Variants in TF observed in about 807,000 individuals in gnomAD.
The protein encoded by TF is serotransferrin.
Under a neutral mutation model 82.4 loss-of-function variants are expected in TF, and 55 were observed. The ratio of observed to expected loss-of-function variants is 0.67; its 90% CI spans 0.54 to 0.84. The LOEUF is 0.84. TF is among the 40% of genes least tolerant of loss of function. The pLI is 0.00. For missense variants in TF, 737 were observed against 868.4 expected, an observed-to-expected ratio of 0.85 and a Z score of 1.90; for synonymous variants, 332 against 332.6, an observed-to-expected ratio of 1.00 and a Z score of 0.02.
Position 133,746,516 on chromosome 3 carries a change from C to A in TF, c.43+33C>A, listed in dbSNP as rs951914209. 7.0e-6 allele frequency: 11 copies of A among 1,576,150 alleles called. No individual in the cohort carries two copies. In the African/African-American group the frequency reaches 9.4e-5, roughly 14 times the overall value. On this transcript the variant is annotated intron_variant, in intron 1 of 16. Transcript: ENST00000402696. Reference sequence around the variant, plus strand: ...CGGGCACGGGGTAGCACCGCAGAGTCGCTGGCCCGCGCGTTCCCTGCAACC... The same window carrying A: ...CGGGCACGGGGTAGCACCGCAGAGTAGCTGGCCCGCGCGTTCCCTGCAACC...
At chr3:133,694,843 C>A in the TF span, among the ~76,000 whole-genome samples, 3 of 145,308 alleles carry the variant, frequency 2.1e-5, no homozygotes, top group African/African-American at 7.7e-5. Flanking sequence ...AGGCTTTAAG[C>A]CTTTAGTTTT....
chr3:133,766,123 CT>C (rs1934119494), intron 11 of TF, among the ~76,000 whole-genome samples, 154 bp from the exon 12 acceptor site: 1 of 152,188 alleles, frequency 6.6e-6, no homozygotes, highest in East Asian at 1.9e-4. Context: ...GACAGAGTTC[CT>C]TGTACTTCCC....
At chr3:133,725,187 G>C in the TF span, among the ~76,000 whole-genome samples, 6 of 151,910 alleles carry the variant, frequency 3.9e-5, no homozygotes, top group African/African-American at 1.2e-4. Context: ...TTCCAATTCT[G>C]TGAAGAAAGT....
the TF span, among the ~76,000 whole-genome samples, chr3:133,676,215 C>T: frequency 6.6e-6 from 1 of 152,180 alleles, no homozygotes; most frequent in African/African-American, 2.4e-5. Context: ...TGAGCTCTCC[C>T]TTGACATCTC....
chr3:133,778,402 C>T (rs990891616), intron 16 of TF, 184 bp from the exon 17 acceptor site: 2 of 576,650 alleles, frequency 3.5e-6, no homozygotes, highest in African/African-American at 3.8e-5. Context: ...GGGCACTCCC[C>T]AGGATAGGCA....
At chr3:133,713,516 C>A in the TF span, among the ~76,000 whole-genome samples, 4 of 152,188 alleles carry the variant, frequency 2.6e-5, no homozygotes, top group Admixed American at 2.6e-4. Context: ...AGGCAGGGAA[C>A]TTTTAGCACC....
the TF span, among the ~76,000 whole-genome samples, chr3:133,734,162 A>T: frequency 6.6e-6 from 1 of 152,202 alleles, no homozygotes; most frequent in Admixed American, 6.5e-5. Flanking sequence ...GGTGTGGGAC[A>T]GGTATAGACG....
Position 133,778,631 on chromosome 3 carries a change from G to C in TF, c.*11G>C. 6.2e-7 allele frequency: 1 copy of C among 1,613,364 alleles called. No homozygotes were observed. The highest frequency in any genetic ancestry group is 8.5e-7 in the Non-Finnish European group (1 of 1,179,560). ...TTCCGTAGACCTTAAAATCTCAGAG[G>C]TAGGGCTGCCACCAAGGTGAAGATG... On this transcript the variant is annotated 3_prime_UTR_variant, in exon 17 of 17. Coordinates refer to ENST00000402696, the MANE Select transcript of TF (RefSeq NM_001063.4).
the TF span, among the ~76,000 whole-genome samples, chr3:133,675,393 T>C: frequency 6.6e-6 from 1 of 152,230 alleles, no homozygotes; most frequent in Non-Finnish European, 1.5e-5. Context: ...ATTGTCTATA[T>C]GACAGCTTTC....
At chr3:133,768,283 G>C in intron 13 of TF, 119 bp downstream of exon 13, 1 of 1,380,814 alleles carries the variant, frequency 7.2e-7, no homozygotes, top group Non-Finnish European at 1.0e-6. Flanking sequence ...TATTAAGAGA[G>C]TATATTTCAC....
chr3:133,682,872 C>T, the TF span, among the ~76,000 whole-genome samples: 1 of 152,120 alleles, frequency 6.6e-6, no homozygotes. Context: ...CAAAGATACT[C>T]CTCAAGAAAA....
At chr3:133,776,664 G>T (rs776923304) in intron 15 of TF, among the ~76,000 whole-genome samples, 1 of 152,114 alleles carries the variant, frequency 6.6e-6, no homozygotes, top group Non-Finnish European at 1.5e-5. Flanking sequence ...CCTCTGGGAG[G>T]GTTCACATTT....
chr3:133,717,014 T>G, the TF span, among the ~76,000 whole-genome samples: 1 of 152,208 alleles, frequency 6.6e-6, no homozygotes, highest in Non-Finnish European at 1.5e-5. Flanking sequence ...TCCTGGCCAC[T>G]CTGTAATTTT....
the TF span, among the ~76,000 whole-genome samples, chr3:133,698,537 C>G: frequency 6.6e-6 from 1 of 152,168 alleles, no homozygotes; most frequent in Admixed American, 6.5e-5. Flanking sequence ...TGGTTTGCTG[C>G]TGATCTTTGG....
At chr3:133,665,876 G>C in the TF span, among the ~76,000 whole-genome samples, 1 of 149,684 alleles carries the variant, frequency 6.7e-6, no homozygotes, top group Non-Finnish European at 1.5e-5. Flanking sequence ...CGGAGGTTGT[G>C]GTGAGCCGAG....
chr3:133,751,692 T>C (rs1933672306), intron 2 of TF, among the ~76,000 whole-genome samples: 1 of 152,112 alleles, frequency 6.6e-6, no homozygotes, highest in Middle Eastern at 3.2e-3. Context: ...AAATGTACAC[T>C]TGAAAATGGT....
the TF span, chr3:133,691,913 T>G: frequency 6.5e-6 from 1 of 152,934 alleles, no homozygotes; most frequent in African/African-American, 2.4e-5. Context: ...CTGTCAGCAT[T>G]ACACTTAGTA....
chr3:133,664,806 ACCT>A, the TF span: 1 of 151,748 alleles, frequency 6.6e-6, no homozygotes, highest in South Asian at 2.1e-4. Context: ...CGGTTGGTTG[ACCT>A]CCTCAGATGT....
the TF span, among the ~76,000 whole-genome samples, chr3:133,686,529 G>A: frequency 6.6e-6 from 1 of 152,174 alleles, no homozygotes; most frequent in Non-Finnish European, 1.5e-5. Context: ...CCATCAAAAT[G>A]TGGGCAGAGG....
Sources: allele counts gnomAD v4.1 joint callset (sites outside exome capture counted in the v4.1 genomes callset), GRCh38; gene constraint gnomAD v4.1.1; transcripts MANE v1.5; gene names NCBI Gene and HGNC (gene_info 2026-07-23, HGNC 2026-07-21).